Variants in SEMA4B observed in about 807,000 individuals in gnomAD.
SEMA4B encodes the protein semaphorin-4B.
A neutral mutation model predicts 88.1 loss-of-function variants in SEMA4B; 55 were observed. That is an observed-to-expected ratio of 0.62 (90% CI 0.50 to 0.78). The LOEUF (loss-of-function observed/expected upper bound fraction) is 0.78, where lower values mean the gene tolerates loss of function less well. SEMA4B is among the 30% of genes least tolerant of loss of function. The pLI, the probability that SEMA4B is intolerant of heterozygous loss-of-function variation, is 0.00. For synonymous variants in SEMA4B, 525 were observed against 473.6 expected (o/e 1.11, Z -1.41); for missense variants, 1,062 against 1,111.9 (o/e 0.96, Z 0.64).
At chr15:90,213,881 G>C (rs898956305) in intron 1 of SEMA4B, among the ~76,000 whole-genome samples, 1 of 152,184 alleles carries the variant, frequency 6.6e-6, no homozygotes, top group Non-Finnish European at 1.5e-5. Flanking sequence ...CATTCCTCCC[G>C]TGACATGTAT....
rs761906142 is a variant in SEMA4B, at chr15:90,225,077, G to A, written c.1304G>A (p.Ser435Asn). Residue 435 changes from serine to asparagine, a missense_variant, in exon 10 of 14, where the codon AGC becomes AAC. Transcript: ENST00000411539. ...TTCCTGATGGACGGGCAGGTCCGAA[G>A]CCGCATGCTGCTGCTGCAGCCCCAG... The part of the protein sequence containing the change: ...DHFLMDGQVR[S>N]RMLLLQPQAR... 4 of 1,613,880 alleles carry A rather than the reference G, an allele frequency of 2.5e-6. No homozygotes were observed. Among genetic ancestry groups the A allele is most frequent in the Admixed American group, 3.3e-5 (2 of 60,030 alleles).
Position 90,228,399 on chromosome 15 carries a change from AC to A in SEMA4B, c.2274del (p.Lys759ArgfsTer17). 1 of 1,600,122 alleles carries A rather than the reference AC, an allele frequency of 6.2e-7. No individual in the cohort carries two copies. The highest frequency in any genetic ancestry group is 8.5e-7 in the Non-Finnish European group (1 of 1,173,262). ...AAGCAGGGGGAATGTGCCAGCGTGC[AC>A]CCCAAGACCTGCCCTGTGGTGCTGC... ...FLKQGECASVHPKTCPVVLPP... is the reference protein window; with the variant it reads ...FLKQGECASVXPKTCPVVLPP... On this transcript the variant is annotated frameshift_variant, in exon 14 of 14. Coordinates refer to ENST00000411539, the MANE Select transcript of SEMA4B (RefSeq NM_198925.4). LOFTEE classifies it high-confidence loss of function.
chr15:90,214,342 A>G (rs1483443230), intron 1 of SEMA4B, among the ~76,000 whole-genome samples: 5 of 146,438 alleles, frequency 3.4e-5, no homozygotes, highest in African/African-American at 1.0e-4. Context: ...AAAAAAAAAA[A>G]AAAAGGGCTG....
intron 13 of SEMA4B, 115 bp downstream of exon 13, chr15:90,227,757 G>A: frequency 1.4e-6 from 2 of 1,458,992 alleles, no homozygotes; most frequent in South Asian, 1.2e-5. Context: ...CCCTACCCCT[G>A]TAAGCAGGTC....
Position 90,223,729 on chromosome 15 carries a change from C to T in SEMA4B, c.1032C>T (p.Phe344=), listed in dbSNP as rs1961989655. 3.1e-6 allele frequency: 5 copies of T among 1,606,464 alleles called. No individual in the cohort carries two copies. The highest frequency in any genetic ancestry group is 1.3e-5 in the African/African-American group (1 of 74,830). The change falls in exon 8 of 14, where the codon TTC becomes TTT. Residue 344 remains phenylalanine (F), a synonymous_variant. Transcript: ENST00000411539. ...DWRDTLFYGV[F]TSQWHRGTTE... Reference sequence around the variant, plus strand: ...GTGACACCCTTTTCTATGGGGTCTTCACTTCCCAGTGGTAGGGCCTCCAGA... The same window carrying T: ...GTGACACCCTTTTCTATGGGGTCTTTACTTCCCAGTGGTAGGGCCTCCAGA...
chr15:90,214,633 CAAAAAAAAAA>C (rs766089827), intron 1 of SEMA4B, among the ~76,000 whole-genome samples: 1 of 94,274 alleles, frequency 1.1e-5, no homozygotes, highest in Non-Finnish European at 2.0e-5. Context: ...AACACCATCT[CAAAAAAAAAA>C]AAAAAAAAAA....
chr15:90,221,861 C>T (rs1334092537), intron 7 of SEMA4B, 96 bp downstream of exon 7: 28 of 1,205,210 alleles, frequency 2.3e-5, no homozygotes, highest in East Asian at 1.5e-4. Flanking sequence ...TTTCCCATCC[C>T]GCCAAGGAGT....
chr15:90,225,890 A>T (rs1277320222), intron 12 of SEMA4B, 63 bp downstream of exon 12: 1 of 1,342,354 alleles, frequency 7.4e-7, no homozygotes, highest in African/African-American at 1.5e-5. Flanking sequence ...TCGGAGCACC[A>T]TCCTGGGCCC....
Position 90,225,726 on chromosome 15 carries a change from C to T in SEMA4B, c.1587C>T (p.Tyr529=), listed in dbSNP as rs1490288985. 3 of 1,572,646 alleles carry T rather than the reference C, an allele frequency of 1.9e-6. No homozygotes were observed. The highest frequency in any genetic ancestry group is 2.4e-5 in the East Asian group (1 of 42,198). The change falls in exon 12 of 14, where the codon TAC becomes TAT. Residue 529 remains tyrosine, a synonymous_variant. Transcript: ENST00000411539. The part of the protein sequence containing the change: ...VQVPMANCSL[Y]RSCGDCLLAR... ...TGCCCATGGCCAACTGCAGCCTGTA[C>T]AGGAGCTGTGGGGACTGCCTCCTCG...
chr15:90,189,129 A>G (rs1178334760), intron 1 of SEMA4B, among the ~76,000 whole-genome samples: 1 of 151,524 alleles, frequency 6.6e-6, no homozygotes, highest in Admixed American at 6.6e-5. Flanking sequence ...AGTGGGGGGG[A>G]GGAAGGAAAA....
chr15:90,196,010 C>T (rs1960492370), intron 1 of SEMA4B, among the ~76,000 whole-genome samples: 2 of 150,322 alleles, frequency 1.3e-5, no homozygotes, highest in Non-Finnish European at 2.9e-5. Context: ...AGCTCTGCCT[C>T]CTGGGTTCAC....
chr15:90,214,937 G>A (rs1229283010), intron 1 of SEMA4B: 3 of 1,264,802 alleles, frequency 2.4e-6, no homozygotes, highest in Admixed American at 4.7e-5. Flanking sequence ...ATGGAACCAG[G>A]CTGGGGGTAT....
chr15:90,207,417 C>A (rs1341106719), intron 1 of SEMA4B, among the ~76,000 whole-genome samples: 1 of 152,186 alleles, frequency 6.6e-6, no homozygotes, highest in Non-Finnish European at 1.5e-5. Context: ...TTGGCCCATC[C>A]TCTAGGAAGG....
exon 1 of SEMA4B, chr15:90,185,072 C>G: frequency 1.0e-6 from 1 of 984,972 alleles, no homozygotes; most frequent in South Asian, 4.7e-5. Flanking sequence ...CTGACCCTGA[C>G]TCACTCCAGG....
At position 90,191,433 on chromosome 15, in the gene SEMA4B, C is replaced by G. The variant is rs1305490353; in HGVS notation, c.-122+6352C>G. ...CTTTCATGGGGAGGTGAACCAATAA[C>G]ATAGCAGGCATGGCCTTGCTCACTG... On this transcript the variant is annotated intron_variant, in intron 1 of 14. Coordinates refer to the SEMA4B transcript ENST00000332496. Among the ~76,000 whole-genome samples, 5 of 152,364 alleles carry G rather than the reference C, an allele frequency of 3.3e-5. No individual in the cohort carries two copies. In the East Asian group the frequency reaches 9.6e-4, roughly 29 times the overall value.
Position 90,224,959 on chromosome 15 carries a change from C to A in SEMA4B, c.1195-9C>A. On this transcript the variant is annotated splice_polypyrimidine_tract_variant and intron_variant, in intron 9 of 13. Transcript: ENST00000411539. ...GTGGCTGGCCTCACACTGCTGCTTT[C>A]TCCTCCAGTGCATCACCAACAGTGC... 1 of 1,612,950 alleles carries A rather than the reference C, an allele frequency of 6.2e-7. No individual in the cohort carries two copies. The highest frequency in any genetic ancestry group is 1.1e-5 in the South Asian group (1 of 91,058).
At chr15:90,227,863 G>T (rs753343463) in intron 13 of SEMA4B, 41 bp from the exon 14 acceptor site, 2 of 1,603,674 alleles carry the variant, frequency 1.2e-6, no homozygotes, top group South Asian at 1.1e-5. Context: ...AGCTACTGTG[G>T]ACGCTGGCAC....
rs371995396 is a variant in SEMA4B, at chr15:90,201,675, C to T, written c.97C>T (p.Leu33Phe). 4.6e-5 allele frequency: 69 copies of T among 1,515,474 alleles called. No individual in the cohort carries two copies. Among genetic ancestry groups the T allele is most frequent in the Middle Eastern group, 2.3e-4 (1 of 4,422 alleles). 93.9% of individuals were successfully genotyped at this position (1,515,474 alleles called of 1,614,324 possible). A position where few individuals can be genotyped will look rare whatever the true frequency, so the allele number is the denominator to read the frequency against. ...GCTGCTGCTGCTCCTGCTGCTGCTGCTCCTGCTGCAGCCGCCGCCTCCGAC... is the reference window on the plus strand; with the variant it reads ...GCTGCTGCTGCTCCTGCTGCTGCTGTTCCTGCTGCAGCCGCCGCCTCCGAC... ...PPLLLLLLLL[L>F]LLQPPPPTWA... The change falls in exon 1 of 14, where the codon CTC becomes TTC. Residue 33 changes from leucine (L) to phenylalanine (F), a missense_variant. Physicochemically the swap from Leu to Phe is conservative, Grantham distance 22. Transcript: ENST00000411539.
chr15:90,214,043 G>A (rs1410759259), intron 1 of SEMA4B, among the ~76,000 whole-genome samples: 2 of 152,144 alleles, frequency 1.3e-5, no homozygotes, highest in Non-Finnish European at 2.9e-5. Context: ...TTGCTGCCAG[G>A]TGTAAAGCTG....
Sources: allele counts gnomAD v4.1 joint callset (sites outside exome capture counted in the v4.1 genomes callset), GRCh38; gene constraint gnomAD v4.1.1; transcripts MANE v1.5; gene names NCBI Gene and HGNC (gene_info 2026-07-23, HGNC 2026-07-21).